Variants in FOXK2 observed in about 807,000 individuals in gnomAD.
FOXK2 encodes forkhead box K2.
FOXK2 carries 24 observed loss-of-function variants against 53.3 expected under a neutral mutation model. The observed-to-expected ratio is 0.45, with a 90% CI of 0.33 to 0.63. The LOEUF (loss-of-function observed/expected upper bound fraction) is 0.63, where lower values mean the gene tolerates loss of function less well. Among genes scored for constraint, FOXK2 ranks in the 30% least tolerant of loss-of-function variants. The probability of loss-of-function intolerance (pLI) is 0.03; values close to 1 mark genes in which losing one functional copy is unlikely to be tolerated. For missense variants in FOXK2, 952 were observed against 910.5 expected (o/e 1.05, Z -0.59); for synonymous variants, 505 against 407.1 (o/e 1.24, Z -2.89).
chr17:82,586,189 G>C lies in FOXK2; in HGVS notation c.1565G>C (p.Arg522Thr). ...KAEAQENGDH[R>T]EVKVKVEPIP... The stretch of plus-strand genomic sequence containing the variant: ...GAGGCCCAGGAGAATGGAGACCACA[G>C]GGAAGTCAAAGGTAGGCGGAGGGGA... The change falls in exon 7 of 9, where the codon AGG becomes ACG. Residue 522 changes from arginine to threonine, a missense_variant. Arg to Thr is a moderately conservative substitution (Grantham distance 71, BLOSUM62 -1). Coordinates refer to ENST00000335255, the MANE Select transcript of FOXK2 (RefSeq NM_004514.4). 2 of 1,593,160 alleles carry C rather than the reference G, an allele frequency of 1.3e-6. No homozygotes were observed. The highest frequency in any genetic ancestry group is 1.7e-6 in the Non-Finnish European group (2 of 1,172,274).
intron 1 of FOXK2, among the ~76,000 whole-genome samples, chr17:82,530,228 C>T (rs1186328430): frequency 5.3e-5 from 8 of 152,074 alleles, no homozygotes; most frequent in South Asian, 4.1e-4. Context: ...CGTTGGGTCA[C>T]GCCTGTCATC....
chr17:82,594,718 A>G (rs894834369), intron 8 of FOXK2, among the ~76,000 whole-genome samples: 1 of 152,086 alleles, frequency 6.6e-6, no homozygotes. Context: ...GTCTCTGTAG[A>G]TGGACTCGCA....
intron 1 of FOXK2, among the ~76,000 whole-genome samples, chr17:82,560,376 T>G (rs959691058): frequency 6.6e-6 from 1 of 150,940 alleles, no homozygotes; most frequent in Non-Finnish European, 1.5e-5. Context: ...TATCCTCCTG[T>G]TTGGCTTCCC....
chr17:82,526,332 A>G (rs1251500150), intron 1 of FOXK2, among the ~76,000 whole-genome samples: 2 of 152,316 alleles, frequency 1.3e-5, no homozygotes, highest in Admixed American at 6.5e-5. Context: ...CTTGGCAATC[A>G]GGAAGTCTTG....
At chr17:82,571,907 T>G (rs762427740) in intron 4 of FOXK2, 37 bp downstream of exon 4, 14 of 1,496,830 alleles carry the variant, frequency 9.4e-6, no homozygotes, top group Non-Finnish European at 1.2e-5. Context: ...TAGAGGCTGA[T>G]GGATACCGAG....
intron 8 of FOXK2, chr17:82,598,824 C>T (rs2045346873): frequency 6.6e-6 from 1 of 152,272 alleles, no homozygotes; most frequent in African/African-American, 2.4e-5. Flanking sequence ...TTGTCAGACA[C>T]TGGCTGTGAC....
At chr17:82,573,210 C>T (rs189199531) in intron 4 of FOXK2, among the ~76,000 whole-genome samples, 8 of 151,868 alleles carry the variant, frequency 5.3e-5, no homozygotes, top group African/African-American at 1.2e-4. Flanking sequence ...AAAAAAAAAG[C>T]CTACCAGCCA....
chr17:82,533,512 T>C (rs995646700), intron 1 of FOXK2, among the ~76,000 whole-genome samples: 24 of 151,954 alleles, frequency 1.6e-4, no homozygotes, highest in Non-Finnish European at 2.8e-4. Context: ...TATAGTGCAG[T>C]GAATACATAA....
In FOXK2 at chr17:82,589,053, G is replaced by C. The variant is rs72863724; in HGVS notation, c.1786+1781G>C. On this transcript the variant is annotated intron_variant, in intron 8 of 8. Coordinates refer to ENST00000335255, the MANE Select transcript of FOXK2 (RefSeq NM_004514.4). ...AGCCCGGGCGACCGTGCGAGACTCT[G>C]TCTCAACAAAAAAAGAAAAACGGTA... 5.5e-3 allele frequency among the ~76,000 whole-genome samples: 840 copies of C among 151,976 alleles called. 18 individuals are homozygous for C. The highest frequency in any genetic ancestry group is 0.046 in the East Asian group (237 of 5,172).
chr17:82,527,296 A>G (rs778085643), intron 1 of FOXK2, among the ~76,000 whole-genome samples: 1 of 151,958 alleles, frequency 6.6e-6, no homozygotes, highest in Non-Finnish European at 1.5e-5. Flanking sequence ...ATGCACCACC[A>G]TGCTGGCTAA....
At chr17:82,554,159 G>A (rs2044702139) in intron 1 of FOXK2, among the ~76,000 whole-genome samples, 1 of 152,150 alleles carries the variant, frequency 6.6e-6, no homozygotes, top group East Asian at 1.9e-4. Context: ...ACTGGTTGTA[G>A]GGAATAGTTT....
In FOXK2 at chr17:82,586,166, G is replaced by C; in HGVS notation, c.1542G>C (p.Glu514Asp). Residue 514 changes from glutamate (E) to aspartate (D), a missense_variant, in exon 7 of 9, where the codon GAG becomes GAC. Coordinates refer to ENST00000335255, the MANE Select transcript of FOXK2 (RefSeq NM_004514.4). ...PAAVLAPPKA[E>D]AQENGDHREV... ...CCGTGCTGGCCCCTCCTAAGGCAGA[G>C]GCCCAGGAGAATGGAGACCACAGGG... 6.2e-7 allele frequency: 1 copy of C among 1,611,594 alleles called. No homozygotes were observed. The highest frequency in any genetic ancestry group is 1.1e-5 in the South Asian group (1 of 91,008).
At chr17:82,547,933 G>A (rs4614761) in intron 1 of FOXK2, among the ~76,000 whole-genome samples, 67,164 of 152,030 alleles carry the variant, frequency 0.44, 15,021 homozygotes, top group South Asian at 0.55. Flanking sequence ...AGGTTCATCA[G>A]TGTTACTTGT....
At chr17:82,525,760 C>T (rs574783480) in intron 1 of FOXK2, among the ~76,000 whole-genome samples, 1 of 152,168 alleles carries the variant, frequency 6.6e-6, no homozygotes, top group Non-Finnish European at 1.5e-5. Flanking sequence ...CTATTGCCTA[C>T]AACTATTTAA....
rs1039153021 is a variant in FOXK2 at position 82,519,988 on chromosome 17, G to A, written c.100G>A (p.Gly34Ser). Reference protein sequence around the residue: ...GAGGGGSPPGGWAVARLEGRE... With the variant: ...GAGGGGSPPGSWAVARLEGRE... ...CGGGGGCGGCGGGTCCCCGCCGGGC[G>A]GCTGGGCCGTGGCGCGCCTGGAGGG... The change falls in exon 1 of 9, where the codon GGC becomes AGC. Residue 34 changes from glycine (G) to serine (S), a missense_variant. By Grantham distance (56) the Gly-to-Ser change is moderately conservative. Around this residue, in one of 5 missense-constraint regions of FOXK2, gnomAD observed 163 missense variants for 165.5 expected, o/e 0.98. Transcript: ENST00000335255. The A allele has an allele frequency of 1.9e-5, 27 of 1,394,610 alleles. No homozygotes were observed. The highest frequency in any genetic ancestry group is 3.0e-5 in the East Asian group (1 of 33,246). The allele number at this position is 1,394,610 out of a possible 1,614,324, so 86.4% of individuals were successfully genotyped here.
At chr17:82,593,470 T>A (rs2045277548) in intron 8 of FOXK2, 1 of 152,454 alleles carries the variant, frequency 6.6e-6, no homozygotes, top group Non-Finnish European at 1.5e-5. Flanking sequence ...GTTCACCGCG[T>A]GCTGTGCGGG....
At chr17:82,563,724 G>T (rs2044822910) in intron 2 of FOXK2, among the ~76,000 whole-genome samples, 176 bp downstream of exon 2, 1 of 151,332 alleles carries the variant, frequency 6.6e-6, no homozygotes, top group South Asian at 2.1e-4. Flanking sequence ...AGTTCCCAAA[G>T]GTTCCTGGTT....
chr17:82,581,142 G>A (rs976744974), intron 4 of FOXK2, among the ~76,000 whole-genome samples: 4 of 152,232 alleles, frequency 2.6e-5, no homozygotes, highest in Admixed American at 2.0e-4. Flanking sequence ...TCCAGATTTT[G>A]TTTTGAGTGA....
rs1567975420 is a variant in FOXK2, at chr17:82,563,750, C to CTTTTTTTT, written c.614+202_614+203insTTTTTTTT. On this transcript the variant is annotated intron_variant, in intron 2 of 8. Transcript: ENST00000335255. ...GTTCCTGGTTTTTATTTACTCATTC[C>CTTTTTTTT]CTTTTTTTTTTTTTTTTTTGAGAAG... Among the ~76,000 whole-genome samples, 6 of 94,614 alleles carry CTTTTTTTT rather than the reference C, an allele frequency of 6.3e-5. 3 individuals carry two copies. The highest frequency in any genetic ancestry group is 9.0e-5 in the African/African-American group (2 of 22,236). The allele number at this position is 94,614 out of a possible 152,430, so 62.1% of individuals were successfully genotyped here.
Sources: allele counts gnomAD v4.1 joint callset (sites outside exome capture counted in the v4.1 genomes callset), GRCh38; gene constraint gnomAD v4.1.1; regional missense constraint gnomAD v4.1.1; transcripts MANE v1.5; gene names NCBI Gene and HGNC (gene_info 2026-07-23, HGNC 2026-07-21).